The following SERPINB10 variants were observed in gnomAD, a reference collection of about 807,000 sequenced individuals.
The protein encoded by SERPINB10 is serpin B10.
In SERPINB10, 35 loss-of-function variants were observed where a neutral mutation model predicts 39.1. The observed-to-expected ratio is 0.90, with a 90% CI of 0.68 to 1.19. The LOEUF is 1.19. Among genes scored for constraint, SERPINB10 ranks in the 50% most tolerant of loss-of-function variants. The probability of loss-of-function intolerance (pLI) is 0.00; values close to 1 mark genes in which losing one functional copy is unlikely to be tolerated. For missense variants in SERPINB10, 546 were observed against 460.5 expected, an observed-to-expected ratio of 1.19 and a Z score of -1.70; for synonymous variants, 190 against 158.1, an observed-to-expected ratio of 1.20 and a Z score of -1.52.
At chr18:63,928,375 G>A (rs538632539) in intron 5 of SERPINB10, among the ~76,000 whole-genome samples, 6 of 152,130 alleles carry the variant, frequency 3.9e-5, no homozygotes, top group South Asian at 2.1e-4. Context: ...TTTATAAATC[G>A]TTCAAGGTGC....
At chr18:63,932,725 A>G (rs943291496) in intron 6 of SERPINB10, among the ~76,000 whole-genome samples, 2 of 152,234 alleles carry the variant, frequency 1.3e-5, no homozygotes, top group African/African-American at 4.8e-5. Flanking sequence ...CATGTAAAAT[A>G]TGCCTTAGTT....
At chr18:63,925,316 A>G (rs1028905348) in intron 5 of SERPINB10, among the ~76,000 whole-genome samples, 1 of 152,016 alleles carries the variant, frequency 6.6e-6, no homozygotes, top group Non-Finnish European at 1.5e-5. Flanking sequence ...TCTGGAAGCA[A>G]TGACATCCCA....
At chr18:63,916,269 T>C (rs1426291334) in intron 2 of SERPINB10, among the ~76,000 whole-genome samples, 5 of 150,978 alleles carry the variant, frequency 3.3e-5, no homozygotes, top group Admixed American at 2.6e-4. Flanking sequence ...GATAGCAAAA[T>C]AGCCATATGT....
chr18:63,929,893 C>T, intron 5 of SERPINB10, 152 bp from the exon 6 acceptor site: 1 of 705,446 alleles, frequency 1.4e-6, no homozygotes, highest in Non-Finnish European at 2.3e-6. Flanking sequence ...CTATTCTGGA[C>T]AGGAATAGTA....
intron 1 of SERPINB10, among the ~76,000 whole-genome samples, chr18:63,912,833 A>T (rs1369673916): frequency 1.3e-5 from 2 of 151,872 alleles, no homozygotes; most frequent in Admixed American, 1.3e-4. Flanking sequence ...TAATTTTTTG[A>T]AATTATTTCA....
intron 7 of SERPINB10, among the ~76,000 whole-genome samples, chr18:63,933,826 A>C (rs2050241590): frequency 6.6e-6 from 1 of 152,226 alleles, no homozygotes; most frequent in Non-Finnish European, 1.5e-5. Flanking sequence ...CCTAAACTGA[A>C]CATGAGTCTC....
intron 7 of SERPINB10, among the ~76,000 whole-genome samples, chr18:63,934,076 T>A (rs1013389592): frequency 6.6e-6 from 1 of 152,214 alleles, no homozygotes; most frequent in African/African-American, 2.4e-5. Context: ...CTGAAGATAC[T>A]GTCATGTTAT....
At chr18:63,913,498 G>A (rs1416953504) in intron 1 of SERPINB10, among the ~76,000 whole-genome samples, 7 of 151,684 alleles carry the variant, frequency 4.6e-5, no homozygotes, top group Admixed American at 1.3e-4. Flanking sequence ...TTTCAAAGAC[G>A]TTGATTTCTG....
intron 5 of SERPINB10, among the ~76,000 whole-genome samples, chr18:63,929,710 T>C (rs1181582729): frequency 2.1e-5 from 1 of 46,602 alleles, no homozygotes; most frequent in East Asian, 4.3e-4. Flanking sequence ...TTAGCTAAAG[T>C]GCAAAAAAAA....
Position 63,934,854 on chromosome 18 carries a change from C to A in SERPINB10, c.806C>A (p.Thr269Asn), listed in dbSNP as rs201748994. The A allele has an allele frequency of 1.2e-6, 2 of 1,607,258 alleles. No individual in the cohort carries two copies. The highest frequency in any genetic ancestry group is 1.7e-6 in the Non-Finnish European group (2 of 1,177,154). Reference sequence around the variant, plus strand: ...AATGGGCAGCTGGAAAAGGCCATCACCTATGAGAAGCTGAATGAGTGGACC... The same window carrying A: ...AATGGGCAGCTGGAAAAGGCCATCAACTATGAGAAGCTGAATGAGTGGACC... Reference protein sequence around the residue: ...NGLEQLEKAITYEKLNEWTSA... With the variant: ...NGLEQLEKAINYEKLNEWTSA... The change falls in exon 8 of 8, where the codon ACC becomes AAC. Residue 269 changes from threonine to asparagine, a missense_variant. Physicochemically the swap from Thr to Asn is moderately conservative, Grantham distance 65. Transcript: ENST00000238508.
Position 63,917,978 on chromosome 18 carries a change from G to A in SERPINB10, c.248G>A (p.Ser83Asn). 6.2e-7 allele frequency: 1 copy of A among 1,611,790 alleles called. No homozygotes were observed. The highest frequency in any genetic ancestry group is 8.5e-7 in the Non-Finnish European group (1 of 1,178,678). Residue 83 changes from serine (S) to asparagine (N), a missense_variant, in exon 4 of 8, where the codon AGC (serine) becomes AAC (asparagine). Physicochemically the swap from Ser to Asn is conservative, Grantham distance 46. Coordinates refer to ENST00000238508, the MANE Select transcript of SERPINB10 (RefSeq NM_005024.3). ...EKKRKMEFNL[S>N]NSEEIHSDFQ... The stretch of plus-strand genomic sequence containing the variant: ...TCTCTTTTAAAGGAATTCAACTTGA[G>A]CAACTCGGAAGAAATACACTCTGAT...
chr18:63,911,863 C>T (rs774211029), intron 1 of SERPINB10, among the ~76,000 whole-genome samples: 17 of 152,026 alleles, frequency 1.1e-4, no homozygotes, highest in Non-Finnish European at 2.2e-4. Flanking sequence ...GGTTTGCCTT[C>T]GGCAGTATGG....
At chr18:63,930,514 C>T (rs531469733) in intron 6 of SERPINB10, among the ~76,000 whole-genome samples, 1 of 152,120 alleles carries the variant, frequency 6.6e-6, no homozygotes, top group South Asian at 2.1e-4. Flanking sequence ...AGAACAAGAA[C>T]CTAAGAGTCC....
Position 63,933,054 on chromosome 18 carries a change from A to G in SERPINB10, c.640A>G (p.Ser214Gly). The change falls in exon 7 of 8, where the codon AGC (serine) becomes GGC (glycine). Residue 214 changes from serine (S) to glycine (G), a missense_variant. Ser to Gly is a moderately conservative substitution (Grantham distance 56). Coordinates refer to ENST00000238508, the MANE Select transcript of SERPINB10 (RefSeq NM_005024.3). Reference protein sequence around the residue: ...EKPFRINETTSKPVQMMFMKK... With the variant: ...EKPFRINETTGKPVQMMFMKK... ...GTTTTTTTGTTTTTTTTAGACTACA[A>G]GCAAACCAGTGCAAATGATGTTTAT... 3.1e-6 allele frequency: 5 copies of G among 1,613,194 alleles called. No individual in the cohort carries two copies. Among genetic ancestry groups the G allele is most frequent in the Non-Finnish European group, 4.2e-6 (5 of 1,179,808 alleles).
At chr18:63,928,805 C>A (rs929325833) in intron 5 of SERPINB10, among the ~76,000 whole-genome samples, 1 of 146,876 alleles carries the variant, frequency 6.8e-6, no homozygotes, top group African/African-American at 2.6e-5. Flanking sequence ...CTCTTTGAAG[C>A]AATTGTGAAT....
In SERPINB10 at chr18:63,934,917, A is replaced by G. The variant is rs781698960; in HGVS notation, c.869A>G (p.His290Arg). 1.9e-6 allele frequency: 3 copies of G among 1,614,060 alleles called. No individual in the cohort carries two copies. The African/African-American group carries it at 4.0e-5, about 22-fold the overall frequency. ...DMMELYEVQL[H>R]LPKFKLEDSY... ...ATGGAGTTGTATGAAGTGCAGCTAC[A>G]CCTTCCCAAGTTCAAGCTGGAAGAC... The change falls in exon 8 of 8, where the codon CAC (histidine) becomes CGC (arginine). Residue 290 changes from histidine (H) to arginine (R), a missense_variant. His to Arg is a conservative substitution (Grantham distance 29, BLOSUM62 0). Coordinates refer to ENST00000238508, the MANE Select transcript of SERPINB10 (RefSeq NM_005024.3).
intron 4 of SERPINB10, 70 bp downstream of exon 4, chr18:63,918,172 G>T: frequency 6.6e-7 from 1 of 1,525,724 alleles, no homozygotes; most frequent in Non-Finnish European, 9.0e-7. Context: ...AGTAAACTCT[G>T]TATATTTCTT....
At position 63,935,996 on chromosome 18, in the gene SERPINB10, G is replaced by A. The variant is rs1197999874; in HGVS notation, c.*754G>A. The stretch of plus-strand genomic sequence containing the variant: ...GTTTTGACAAATGTACCGTGGTCAT[G>A]TAAGATGTTATCACTTGGGGAAACT... On this transcript the variant is annotated 3_prime_UTR_variant, in exon 8 of 8. Transcript: ENST00000238508. 2 of 152,232 alleles carry A rather than the reference G, an allele frequency of 1.3e-5. No individual in the cohort carries two copies. Among genetic ancestry groups the A allele is most frequent in the African/African-American group, 4.8e-5 (2 of 41,460 alleles). 9.4% of individuals were successfully genotyped at this position (152,232 alleles called of 1,614,324 possible).
chr18:63,933,021 GT>G (rs764473606), intron 6 of SERPINB10, 26 bp from the exon 7 acceptor site: 5 of 1,593,370 alleles, frequency 3.1e-6, no homozygotes, highest in South Asian at 1.1e-5. Flanking sequence ...CTTGTTACCT[GT>G]TTTTTTGTTT....
Sources: gnomAD v4.1 joint callset for allele counts (sites outside exome capture counted in the v4.1 genomes callset) on GRCh38, gnomAD v4.1.1 for gene constraint, MANE v1.5 for transcripts, NCBI Gene and HGNC (gene_info 2026-07-23, HGNC 2026-07-21) for gene names.